GPR158: variants seen among roughly 807,000 people sequenced by gnomAD.
The protein encoded by GPR158 is metabotropic glycine receptor.
GPR158 carries 30 observed loss-of-function variants against 78.2 expected under a neutral mutation model. The ratio of observed to expected loss-of-function variants is 0.38; its 90% confidence interval spans 0.29 to 0.52. The LOEUF (loss-of-function observed/expected upper bound fraction) is 0.52, where lower values mean the gene tolerates loss of function less well. GPR158 is among the 20% of genes least tolerant of loss of function. GPR158 has a pLI of 0.83. For synonymous variants in GPR158, 581 were observed against 591.1 expected (o/e 0.98, Z 0.25); for missense variants, 1,463 against 1,523.5 (o/e 0.96, Z 0.66).
intron 2 of GPR158, among the ~76,000 whole-genome samples, chr10:25,344,660 T>C (rs553492555): frequency 2.0e-5 from 3 of 152,136 alleles, no homozygotes; most frequent in East Asian, 1.9e-4. Context: ...TCCAGTGTTA[T>C]TCATAGTTAT....
chr10:25,321,585 T>C (rs1298226644), intron 2 of GPR158, among the ~76,000 whole-genome samples: 1 of 152,180 alleles, frequency 6.6e-6, no homozygotes, highest in Non-Finnish European at 1.5e-5. Flanking sequence ...ATTAGAACCA[T>C]CCTGGACCTG....
chr10:25,227,612 T>A (rs1298660929), intron 2 of GPR158, among the ~76,000 whole-genome samples: 2 of 152,194 alleles, frequency 1.3e-5, no homozygotes, highest in African/African-American at 4.8e-5. Context: ...TATAGGCTAT[T>A]TTTTCCATGG....
intron 6 of GPR158, among the ~76,000 whole-genome samples, chr10:25,559,363 ACT>A (rs916427643): frequency 3.9e-5 from 6 of 152,234 alleles, no homozygotes; most frequent in African/African-American, 1.4e-4. Flanking sequence ...GGGGTAAGAC[ACT>A]CTCATATTAT....
chr10:25,315,218 A>G lies in GPR158; in HGVS notation c.1009-80693A>G, dbSNP rs376186666. ...TTACTCTTACTGAAAGTGATGTGTT[A>G]AAATATATTTTTATTATGCTTTTAT... On this transcript the variant is annotated intron_variant, in intron 2 of 10. Coordinates refer to ENST00000376351, the MANE Select transcript of GPR158 (RefSeq NM_020752.3). 4.6e-5 allele frequency among the ~76,000 whole-genome samples: 7 copies of G among 152,194 alleles called. No individual in the cohort carries two copies. The East Asian group carries it at 9.6e-4, about 21-fold the overall frequency.
intron 5 of GPR158, among the ~76,000 whole-genome samples, chr10:25,488,160 T>A (rs1160973826): frequency 6.6e-6 from 1 of 152,134 alleles, no homozygotes; most frequent in African/African-American, 2.4e-5. Flanking sequence ...CCTGGGTGAC[T>A]ACCATTCCCT....
intron 1 of GPR158, among the ~76,000 whole-genome samples, chr10:25,177,911 G>A (rs1403564509): frequency 1.3e-5 from 2 of 152,020 alleles, no homozygotes; most frequent in African/African-American, 4.8e-5. Context: ...ATTCCTGCAG[G>A]ATCCTATTAG....
intron 1 of GPR158, among the ~76,000 whole-genome samples, chr10:25,210,524 C>T (rs965245013): frequency 4.6e-5 from 7 of 152,170 alleles, no homozygotes; most frequent in Non-Finnish European, 8.8e-5. Context: ...CAATACTTGG[C>T]ATTATACAGC....
At chr10:25,379,295 T>C (rs532067925) in intron 2 of GPR158, among the ~76,000 whole-genome samples, 10 of 152,302 alleles carry the variant, frequency 6.6e-5, no homozygotes, top group African/African-American at 2.4e-4. Flanking sequence ...GTTGTTACAG[T>C]GGTTCTGGAT....
At chr10:25,299,484 C>A (rs1362710671) in intron 2 of GPR158, among the ~76,000 whole-genome samples, 1 of 152,110 alleles carries the variant, frequency 6.6e-6, no homozygotes, top group East Asian at 1.9e-4. Flanking sequence ...TAAGTGAAAT[C>A]ATACGATTCT....
chr10:25,245,421 A>T (rs1588755071), intron 2 of GPR158, among the ~76,000 whole-genome samples: 1 of 149,318 alleles, frequency 6.7e-6, no homozygotes, highest in African/African-American at 2.5e-5. Flanking sequence ...AGAAAGGATT[A>T]AAAAAAAAAC....
intron 5 of GPR158, among the ~76,000 whole-genome samples, chr10:25,506,394 A>G (rs1355199278): frequency 6.6e-6 from 1 of 152,232 alleles, no homozygotes; most frequent in Non-Finnish European, 1.5e-5. Flanking sequence ...GCTTAAAGGG[A>G]TAGGTATCCA....
At chr10:25,226,758 C>T (rs1853377675) in intron 2 of GPR158, among the ~76,000 whole-genome samples, 1 of 152,200 alleles carries the variant, frequency 6.6e-6, no homozygotes. Flanking sequence ...AGAAACAGTA[C>T]CTGACACTGT....
chr10:25,346,487 A>T (rs1855373100), intron 2 of GPR158, among the ~76,000 whole-genome samples: 3 of 151,960 alleles, frequency 2.0e-5, no homozygotes, highest in Non-Finnish European at 2.9e-5. Context: ...GATGGAAGCA[A>T]GCAGAGAAGA....
chr10:25,301,313 A>G (rs1854590847), intron 2 of GPR158, among the ~76,000 whole-genome samples: 1 of 152,210 alleles, frequency 6.6e-6, no homozygotes, highest in Non-Finnish European at 1.5e-5. Flanking sequence ...CCTAGCTTCT[A>G]GCATTAATAG....
intron 5 of GPR158, among the ~76,000 whole-genome samples, chr10:25,549,446 T>TAA (rs969978253): frequency 4.0e-5 from 6 of 151,214 alleles, no homozygotes; most frequent in African/African-American, 1.5e-4. Context: ...GTGAAAACAG[T>TAA]AAAAACAGGT....
At chr10:25,593,973 C>T (rs1161537874) in intron 8 of GPR158, among the ~76,000 whole-genome samples, 1 of 151,876 alleles carries the variant, frequency 6.6e-6, no homozygotes, top group Non-Finnish European at 1.5e-5. Context: ...AGTTTGTAAC[C>T]TACTCCTCTT....
chr10:25,544,078 C>T (rs1213915855), intron 5 of GPR158, among the ~76,000 whole-genome samples: 1 of 152,182 alleles, frequency 6.6e-6, no homozygotes, highest in East Asian at 1.9e-4. Flanking sequence ...TTCCACTCAG[C>T]TCATCCTCTT....
At chr10:25,326,249 T>C (rs995672911) in intron 2 of GPR158, among the ~76,000 whole-genome samples, 4 of 152,212 alleles carry the variant, frequency 2.6e-5, no homozygotes, top group Non-Finnish European at 5.9e-5. Context: ...GATAATGGCT[T>C]CCAGCTCCAT....
chr10:25,395,029 T>G (rs1226477262), intron 2 of GPR158, among the ~76,000 whole-genome samples: 1 of 152,156 alleles, frequency 6.6e-6, no homozygotes, highest in Non-Finnish European at 1.5e-5. Flanking sequence ...ATTTCAGTGT[T>G]GGTTAGATTA....
Sources: allele counts gnomAD v4.1 joint callset (sites outside exome capture counted in the v4.1 genomes callset), GRCh38; gene constraint gnomAD v4.1.1; transcripts MANE v1.5; gene names NCBI Gene and HGNC (gene_info 2026-07-23, HGNC 2026-07-21).